Variants in DLGAP1 observed in about 807,000 individuals in gnomAD.
DLGAP1 encodes DLG associated protein 1, also known as disks large-associated protein 1.
Under a neutral mutation model 90.8 loss-of-function variants are expected in DLGAP1, and 11 were observed. The observed-to-expected ratio is 0.12, with a 90% CI of 0.08 to 0.20. DLGAP1 has a LOEUF of 0.20. DLGAP1 is among the 10% of genes least tolerant of loss of function. The probability of loss-of-function intolerance (pLI) is 1.00; values close to 1 mark genes in which losing one functional copy is unlikely to be tolerated. For missense variants in DLGAP1, 1,050 were observed against 1,333.8 expected (o/e 0.79, Z 3.31); for synonymous variants, 558 against 540.7 (o/e 1.03, Z -0.44).
At chr18:3,523,234 G>A (rs187285912) in intron 10 of DLGAP1, among the ~76,000 whole-genome samples, 12 of 151,706 alleles carry the variant, frequency 7.9e-5, no homozygotes, top group Admixed American at 2.6e-4. Context: ...AAATTTAGCC[G>A]GGCATGGTGG....
intron 3 of DLGAP1, chr18:3,984,083 T>C (rs1304233426): frequency 6.6e-6 from 1 of 152,200 alleles, no homozygotes; most frequent in Admixed American, 6.5e-5. Context: ...CTTCTCCAAT[T>C]TGCAGTCTTT....
rs111706874 is a variant in DLGAP1, at chr18:3,771,695, G to A, written c.1173-29183C>T. 3.2e-3 allele frequency among the ~76,000 whole-genome samples: 481 copies of A among 152,332 alleles called. 4 individuals carry two copies. Among genetic ancestry groups the A allele is most frequent in the African/African-American group, 0.011 (461 of 41,570 alleles). On this transcript the variant is annotated intron_variant, in intron 5 of 12. Transcript: ENST00000315677. ...ATCAAAGAATCAAAGGATGTCAGGG[G>A]CCTGGATTGCTGTTATCTTCTTTCA...
intron 1 of DLGAP1, among the ~76,000 whole-genome samples, chr18:4,226,462 G>A (rs2078189421): frequency 6.6e-6 from 1 of 151,946 alleles, no homozygotes; most frequent in South Asian, 2.1e-4. Context: ...AAGATAATCT[G>A]ATTAAAAATA....
intron 7 of DLGAP1, among the ~76,000 whole-genome samples, chr18:3,604,689 C>CTA: frequency 6.6e-6 from 1 of 152,258 alleles, no homozygotes; most frequent in South Asian, 2.1e-4. Context: ...TTCTGCTTCC[C>CTA]TAGATCCTAC....
intron 1 of DLGAP1, among the ~76,000 whole-genome samples, chr18:4,245,099 C>T (rs1346279427): frequency 6.6e-6 from 1 of 152,178 alleles, no homozygotes; most frequent in Non-Finnish European, 1.5e-5. Flanking sequence ...CTGTGGTCTG[C>T]TACGTTGTTA....
At position 4,408,980 on chromosome 18, in the gene DLGAP1, AAC is replaced by A. The variant is rs34298940; in HGVS notation, c.-267+46024_-267+46025del. On this transcript the variant is annotated intron_variant, in intron 1 of 12. Coordinates refer to ENST00000315677, the MANE Select transcript of DLGAP1 (RefSeq NM_004746.4). ...CATTATACACACACACACACACACAAACACACACACACACACACACATTGTAT... is the reference window on the plus strand; with the variant it reads ...CATTATACACACACACACACACACAAACACACACACACACACACATTGTAT... Among the ~76,000 whole-genome samples, 166 of 150,138 alleles carry A rather than the reference AAC, an allele frequency of 1.1e-3. 1 individual carries two copies. The highest frequency in any genetic ancestry group is 3.1e-3 in the African/African-American group (127 of 41,048).
chr18:3,518,099 C>A (rs559183431), intron 10 of DLGAP1, among the ~76,000 whole-genome samples: 1 of 152,282 alleles, frequency 6.6e-6, no homozygotes, highest in African/African-American at 2.4e-5. Context: ...TAAGCTTAAT[C>A]ATTTATTGCT....
At chr18:4,410,971 A>G (rs918577587) in intron 1 of DLGAP1, among the ~76,000 whole-genome samples, 12 of 152,166 alleles carry the variant, frequency 7.9e-5, no homozygotes, top group Non-Finnish European at 1.3e-4. Flanking sequence ...CAACCCCCCA[A>G]TAAGTGGGTG....
At chr18:3,781,721 G>A (rs1019962283) in intron 5 of DLGAP1, among the ~76,000 whole-genome samples, 2 of 152,208 alleles carry the variant, frequency 1.3e-5, no homozygotes, top group African/African-American at 2.4e-5. Context: ...CCCGTAAGGG[G>A]ACCTGCTGGG....
intron 1 of DLGAP1, among the ~76,000 whole-genome samples, chr18:4,351,163 A>G (rs1374822945): frequency 6.6e-6 from 1 of 152,194 alleles, no homozygotes; most frequent in Non-Finnish European, 1.5e-5. Context: ...ACAGAAAGGA[A>G]TATCAAGGTG....
intron 2 of DLGAP1, among the ~76,000 whole-genome samples, chr18:4,065,579 C>G (rs918198019): frequency 1.1e-4 from 16 of 151,692 alleles, no homozygotes; most frequent in Non-Finnish European, 2.2e-4. Context: ...ACAGTAGCCA[C>G]AAAAAAATAA....
intron 4 of DLGAP1, 134 bp downstream of exon 4, chr18:3,878,972 CACAGAG>C (rs1269297059): frequency 1.5e-6 from 1 of 668,454 alleles, no homozygotes; most frequent in East Asian, 3.0e-5. Context: ...AGCAATTCGG[CACAGAG>C]ATGCCGAATA....
chr18:4,321,355 A>C (rs2080681139), intron 1 of DLGAP1, among the ~76,000 whole-genome samples: 1 of 152,248 alleles, frequency 6.6e-6, no homozygotes, highest in African/African-American at 2.4e-5. Context: ...TAGTAAAAGT[A>C]CTCAATCATT....
intron 9 of DLGAP1, among the ~76,000 whole-genome samples, chr18:3,566,969 C>T (rs1159347091): frequency 6.6e-6 from 1 of 151,936 alleles, no homozygotes; most frequent in African/African-American, 2.4e-5. Flanking sequence ...TTTATAGATA[C>T]TAAGGCTCTA....
At chr18:3,928,699 G>A (rs925007713) in intron 3 of DLGAP1, among the ~76,000 whole-genome samples, 1 of 152,076 alleles carries the variant, frequency 6.6e-6, no homozygotes, top group African/African-American at 2.4e-5. Flanking sequence ...TAAGAAAGCT[G>A]GTAAGTCATG....
chr18:3,791,732 C>T (rs1032928889), intron 5 of DLGAP1, among the ~76,000 whole-genome samples: 1 of 152,078 alleles, frequency 6.6e-6, no homozygotes, highest in Non-Finnish European at 1.5e-5. Context: ...ATGTAATCTA[C>T]TGAAATGAAG....
intron 2 of DLGAP1, among the ~76,000 whole-genome samples, chr18:4,038,239 A>G (rs2074920610): frequency 6.6e-6 from 1 of 152,244 alleles, no homozygotes; most frequent in South Asian, 2.1e-4. Context: ...AACATGTATT[A>G]ACTTCACTCA....
chr18:3,860,481 T>G (rs897732589), intron 4 of DLGAP1, among the ~76,000 whole-genome samples: 1 of 152,204 alleles, frequency 6.6e-6, no homozygotes, highest in Non-Finnish European at 1.5e-5. Flanking sequence ...CAGATAGACA[T>G]GAAATATCTC....
At chr18:3,635,292 G>T (rs1452265561) in intron 7 of DLGAP1, among the ~76,000 whole-genome samples, 1 of 151,960 alleles carries the variant, frequency 6.6e-6, no homozygotes, top group Non-Finnish European at 1.5e-5. Flanking sequence ...CACCACGCCC[G>T]GCTGATTTTT....
Sources: allele counts gnomAD v4.1 joint callset (sites outside exome capture counted in the v4.1 genomes callset), GRCh38; gene constraint gnomAD v4.1.1; transcripts MANE v1.5; gene names NCBI Gene and HGNC (gene_info 2026-07-23, HGNC 2026-07-21).